Variants in PPP3CC observed in about 807,000 individuals in gnomAD.
PPP3CC encodes the protein protein phosphatase 3 catalytic subunit gamma.
PPP3CC carries 35 observed loss-of-function variants against 60.3 expected under a neutral mutation model. That is an observed-to-expected ratio of 0.58 (90% CI 0.44 to 0.77). PPP3CC has a LOEUF of 0.77. Among genes scored for constraint, PPP3CC ranks in the 30% least tolerant of loss-of-function variants. The probability of loss-of-function intolerance (pLI) is 0.00; values close to 1 mark genes in which losing one functional copy is unlikely to be tolerated. For missense variants in PPP3CC, 570 were observed against 628.9 expected (o/e 0.91, Z 1.00); for synonymous variants, 206 against 224.3 (o/e 0.92, Z 0.73).
At position 22,475,026 on chromosome 8, in the gene PPP3CC, T is replaced by C. The variant is rs756788817; in HGVS notation, c.122T>C (p.Val41Ala). ...GAGAATGGGAAACCTAAAGTTGATGTTTTAAAAAACCATTTGGTAAAGGAA... is the reference window on the plus strand; with the variant it reads ...GAGAATGGGAAACCTAAAGTTGATGCTTTAAAAAACCATTTGGTAAAGGAA... ...VFENGKPKVD[V>A]LKNHLVKEGR... Residue 41 changes from valine to alanine, a missense_variant, in exon 2 of 14, where the codon GTT (valine) becomes GCT (alanine). Transcript: ENST00000240139. 3.2e-5 allele frequency: 51 copies of C among 1,612,852 alleles called. No individual in the cohort carries two copies. Among genetic ancestry groups the C allele is most frequent in the Non-Finnish European group, 4.3e-5 (51 of 1,179,302 alleles).
intron 1 of PPP3CC, among the ~76,000 whole-genome samples, chr8:22,454,546 T>C (rs1423133021): frequency 6.6e-6 from 1 of 152,154 alleles, no homozygotes; most frequent in Non-Finnish European, 1.5e-5. Flanking sequence ...ATATTTGTTA[T>C]CGTTATATGA....
intron 3 of PPP3CC, chr8:22,493,103 T>G (rs1014678690): frequency 6.4e-7 from 1 of 1,555,694 alleles, no homozygotes; most frequent in Non-Finnish European, 8.8e-7. Context: ...CTTCCAAGAA[T>G]GAGGCAAACT....
At chr8:22,445,672 G>C (rs1836799089) in intron 1 of PPP3CC, among the ~76,000 whole-genome samples, 1 of 152,066 alleles carries the variant, frequency 6.6e-6, no homozygotes, top group South Asian at 2.1e-4. Context: ...TTAATATTTT[G>C]GTTCTTTATA....
chr8:22,478,917 A>C (rs993525980), intron 3 of PPP3CC, among the ~76,000 whole-genome samples: 3 of 152,212 alleles, frequency 2.0e-5, no homozygotes, highest in Non-Finnish European at 4.4e-5. Context: ...TGTTAATTAG[A>C]TGTTTGCTAA....
At chr8:22,479,256 G>C (rs1352098475) in intron 3 of PPP3CC, among the ~76,000 whole-genome samples, 1 of 151,510 alleles carries the variant, frequency 6.6e-6, no homozygotes, top group African/African-American at 2.4e-5. Context: ...TAGAAAAGTT[G>C]GGAAATGCAG....
intron 6 of PPP3CC, among the ~76,000 whole-genome samples, chr8:22,516,146 C>T (rs544930572): frequency 6.6e-6 from 1 of 152,074 alleles, no homozygotes; most frequent in East Asian, 1.9e-4. Context: ...GGCTGTTTTG[C>T]CCAGGCTGGT....
intron 3 of PPP3CC, among the ~76,000 whole-genome samples, chr8:22,487,580 A>C (rs143919149): frequency 6.6e-6 from 1 of 152,268 alleles, no homozygotes; most frequent in Non-Finnish European, 1.5e-5. Context: ...AGCCTAGATT[A>C]TGCCACTGCA....
At chr8:22,451,170 C>G (rs1038719756) in intron 1 of PPP3CC, among the ~76,000 whole-genome samples, 3 of 148,356 alleles carry the variant, frequency 2.0e-5, no homozygotes, top group Admixed American at 1.3e-4. Context: ...GAGTCTCACT[C>G]TGTCTCCCAG....
intron 4 of PPP3CC, among the ~76,000 whole-genome samples, chr8:22,503,190 G>A (rs1838811875): frequency 6.6e-6 from 1 of 152,192 alleles, no homozygotes; most frequent in African/African-American, 2.4e-5. Context: ...TGCTGGTTAA[G>A]AACGACGGCT....
chr8:22,489,734 TATA>T (rs1247195050), intron 3 of PPP3CC, among the ~76,000 whole-genome samples: 583 of 47,722 alleles, frequency 0.012, 6 homozygotes, highest in African/African-American at 0.036. Context: ...ATATTATATA[TATA>T]ATAAGTATAT....
At chr8:22,519,688 T>C (rs1839352161) in intron 6 of PPP3CC, among the ~76,000 whole-genome samples, 2 of 152,206 alleles carry the variant, frequency 1.3e-5, no homozygotes, top group South Asian at 2.1e-4. Flanking sequence ...AGGGTCTTGC[T>C]CTGTCACCTA....
chr8:22,447,069 G>A (rs976062117), intron 1 of PPP3CC, among the ~76,000 whole-genome samples: 2 of 151,930 alleles, frequency 1.3e-5, no homozygotes, highest in East Asian at 3.9e-4. Context: ...GTACAGTGGC[G>A]CGATCATGGC....
chr8:22,465,176 G>A (rs1837482604), intron 1 of PPP3CC, among the ~76,000 whole-genome samples: 1 of 152,046 alleles, frequency 6.6e-6, no homozygotes, highest in Admixed American at 6.6e-5. Context: ...GCCCAGGCTG[G>A]ACTCAAACTC....
chr8:22,539,503 G>A lies in PPP3CC; in HGVS notation c.1351+5G>A. The A allele has an allele frequency of 6.2e-7, 1 of 1,613,724 alleles. No homozygotes were observed. The highest frequency in any genetic ancestry group is 8.5e-7 in the Non-Finnish European group (1 of 1,179,820). On this transcript the variant is annotated splice_donor_5th_base_variant and intron_variant, in intron 13 of 13. Transcript: ENST00000240139. The stretch of plus-strand genomic sequence containing the variant: ...AAGCGGTAGAGGCCCGGGAAGGTAT[G>A]GCCATATTACTCTGATAGATGTGAT...
intron 6 of PPP3CC, among the ~76,000 whole-genome samples, chr8:22,522,038 A>G (rs185237455): frequency 1.3e-5 from 2 of 151,462 alleles, no homozygotes; most frequent in South Asian, 2.1e-4. Flanking sequence ...CTTGGTGTTT[A>G]TATTACCTGT....
chr8:22,441,830 G>A (rs1318525718), intron 1 of PPP3CC, among the ~76,000 whole-genome samples: 1 of 152,008 alleles, frequency 6.6e-6, no homozygotes, highest in Non-Finnish European at 1.5e-5. Context: ...AGATATTTAA[G>A]ATTAGATCTT....
intron 3 of PPP3CC, 185 bp downstream of exon 3, chr8:22,475,809 G>A (rs747461152): frequency 1.6e-4 from 96 of 596,878 alleles, no homozygotes; most frequent in Non-Finnish European, 2.2e-4. Context: ...AAAACCAGTC[G>A]AAAATCTGAC....
chr8:22,470,286 C>A (rs1320987013), intron 1 of PPP3CC, among the ~76,000 whole-genome samples: 1 of 151,768 alleles, frequency 6.6e-6, no homozygotes, highest in Non-Finnish European at 1.5e-5. Flanking sequence ...GATGCCTGGC[C>A]CTGCAGTATA....
intron 3 of PPP3CC, among the ~76,000 whole-genome samples, chr8:22,494,435 A>G (rs1838502731): frequency 6.6e-6 from 1 of 152,182 alleles, no homozygotes; most frequent in Non-Finnish European, 1.5e-5. Context: ...TCTGGTAGCT[A>G]CAATTCAAGT....
Sources: allele counts gnomAD v4.1 joint callset (sites outside exome capture counted in the v4.1 genomes callset), GRCh38; gene constraint gnomAD v4.1.1; transcripts MANE v1.5; gene names NCBI Gene and HGNC (gene_info 2026-07-23, HGNC 2026-07-21).